Variants in PDZRN4 observed in about 807,000 individuals in gnomAD.
The protein encoded by PDZRN4 is PDZ domain containing ring finger 4.
Under a neutral mutation model 99.0 loss-of-function variants are expected in PDZRN4, and 70 were observed. That is an observed-to-expected ratio of 0.71 (90% CI 0.58 to 0.86). The LOEUF (loss-of-function observed/expected upper bound fraction) is 0.86, where lower values mean the gene tolerates loss of function less well. Ranked by LOEUF, PDZRN4 falls within the 40% of genes least tolerant of loss-of-function variation. The pLI is 0.00. For missense variants in PDZRN4, 1,474 were observed against 1,331.2 expected (o/e 1.11, Z -1.67); for synonymous variants, 551 against 501.6 (o/e 1.10, Z -1.32).
chr12:41,241,619 A>G (rs1178935139), intron 3 of PDZRN4, among the ~76,000 whole-genome samples: 2 of 152,238 alleles, frequency 1.3e-5, no homozygotes, highest in East Asian at 3.8e-4. Context: ...ATTAAATAAT[A>G]CAGTAAATAT....
chr12:41,488,478 A>G (rs1262126830), intron 3 of PDZRN4, among the ~76,000 whole-genome samples: 5 of 152,206 alleles, frequency 3.3e-5, no homozygotes, highest in African/African-American at 1.2e-4. Context: ...CTAAGTGACA[A>G]TCCTCTGGAA....
intron 3 of PDZRN4, among the ~76,000 whole-genome samples, chr12:41,288,024 A>T (rs1044622414): frequency 6.6e-6 from 1 of 152,190 alleles, no homozygotes; most frequent in African/African-American, 2.4e-5. Context: ...CAGCAATAAT[A>T]CTTGCTCCGC....
chr12:41,436,175 A>G (rs1952627439), intron 3 of PDZRN4, among the ~76,000 whole-genome samples: 1 of 152,158 alleles, frequency 6.6e-6, no homozygotes, highest in Non-Finnish European at 1.5e-5. Flanking sequence ...TTTTTCACAC[A>G]CACTGTTCCC....
intron 3 of PDZRN4, among the ~76,000 whole-genome samples, chr12:41,274,019 C>A (rs1163948969): frequency 1.3e-5 from 2 of 151,984 alleles, no homozygotes; most frequent in Non-Finnish European, 2.9e-5. Context: ...GGGGTCTTGC[C>A]TTCTTCTATG....
intron 3 of PDZRN4, among the ~76,000 whole-genome samples, chr12:41,199,421 C>T (rs73117094): frequency 0.012 from 1,881 of 152,192 alleles, 45 homozygotes; most frequent in African/African-American, 0.042. Flanking sequence ...AATGGAAATT[C>T]GTGTAACTCC....
intron 3 of PDZRN4, among the ~76,000 whole-genome samples, chr12:41,433,833 G>A (rs949908235): frequency 2.6e-5 from 4 of 152,184 alleles, no homozygotes; most frequent in Non-Finnish European, 5.9e-5. Flanking sequence ...CATAGGCACA[G>A]CCTCTTTTGT....
intron 3 of PDZRN4, among the ~76,000 whole-genome samples, chr12:41,309,940 A>AT (rs908867342): frequency 5.1e-4 from 76 of 149,108 alleles, no homozygotes; most frequent in East Asian, 1.6e-3. Context: ...TTCTTTTTTT[A>AT]TTTTTTTTTT....
At chr12:41,521,227 G>A (rs546921699) in intron 5 of PDZRN4, among the ~76,000 whole-genome samples, 2 of 152,072 alleles carry the variant, frequency 1.3e-5, no homozygotes, top group South Asian at 4.1e-4. Flanking sequence ...GTAGCAAAAT[G>A]TTAGAAGTTA....
intron 3 of PDZRN4, among the ~76,000 whole-genome samples, chr12:41,299,193 C>G (rs899201005): frequency 1.3e-5 from 2 of 152,058 alleles, no homozygotes; most frequent in African/African-American, 4.8e-5. Context: ...TCTCGAGCTG[C>G]TTTAAGCCCT....
At chr12:41,536,020 G>C (rs941558304) in intron 5 of PDZRN4, among the ~76,000 whole-genome samples, 3 of 152,120 alleles carry the variant, frequency 2.0e-5, no homozygotes, top group Admixed American at 6.5e-5. Flanking sequence ...CGGGTTCCCA[G>C]CTTCATTCTC....
chr12:41,259,417 A>G (rs1951223305), intron 3 of PDZRN4, among the ~76,000 whole-genome samples: 2 of 152,172 alleles, frequency 1.3e-5, no homozygotes, highest in Admixed American at 6.5e-5. Flanking sequence ...ACCATGTTAT[A>G]GCCTTTTAAA....
chr12:41,534,867 C>A (rs1938723390), intron 5 of PDZRN4, among the ~76,000 whole-genome samples: 1 of 152,134 alleles, frequency 6.6e-6, no homozygotes, highest in African/African-American at 2.4e-5. Context: ...ATCAGTTACA[C>A]AATATTCTGT....
At chr12:41,199,115 C>T (rs1428662019) in intron 3 of PDZRN4, among the ~76,000 whole-genome samples, 3 of 152,064 alleles carry the variant, frequency 2.0e-5, no homozygotes. Flanking sequence ...CTGTATATAC[C>T]TAATGAAACA....
chr12:41,328,502 G>C (rs1951723480), intron 3 of PDZRN4, among the ~76,000 whole-genome samples: 1 of 152,150 alleles, frequency 6.6e-6, no homozygotes, highest in Non-Finnish European at 1.5e-5. Context: ...CTGGGCAGCA[G>C]AGTGATGCTC....
chr12:41,237,845 G>A (rs538357568), intron 3 of PDZRN4, among the ~76,000 whole-genome samples: 1 of 152,252 alleles, frequency 6.6e-6, no homozygotes, highest in East Asian at 1.9e-4. Flanking sequence ...TTTTGTAGCA[G>A]TACCGTGCTA....
At chr12:41,446,766 T>C (rs1400795122) in intron 3 of PDZRN4, among the ~76,000 whole-genome samples, 1 of 151,784 alleles carries the variant, frequency 6.6e-6, no homozygotes, top group Non-Finnish European at 1.5e-5. Context: ...TAGTTCTCTA[T>C]GAGCAAGGGG....
chr12:41,263,963 A>C (rs1452672392), intron 3 of PDZRN4, among the ~76,000 whole-genome samples: 1 of 152,120 alleles, frequency 6.6e-6, no homozygotes, highest in Non-Finnish European at 1.5e-5. Flanking sequence ...GTGGCCCAAA[A>C]CTGACTCCAT....
intron 3 of PDZRN4, among the ~76,000 whole-genome samples, chr12:41,405,186 A>G (rs949623891): frequency 1.3e-5 from 2 of 152,294 alleles, no homozygotes; most frequent in Admixed American, 6.5e-5. Context: ...ATGGAAGAAA[A>G]TATTCACAAA....
chr12:41,282,513 C>A (rs1565540970), intron 3 of PDZRN4, among the ~76,000 whole-genome samples: 2 of 152,114 alleles, frequency 1.3e-5, no homozygotes, highest in Non-Finnish European at 2.9e-5. Flanking sequence ...AGCTCTGGAC[C>A]AAGCAGACCT....
Sources: allele counts gnomAD v4.1 joint callset (sites outside exome capture counted in the v4.1 genomes callset), GRCh38; gene constraint gnomAD v4.1.1; transcripts MANE v1.5; gene names NCBI Gene and HGNC (gene_info 2026-07-23, HGNC 2026-07-21).